Variants in IRF2 observed in about 807,000 individuals in gnomAD.
IRF2 encodes interferon regulatory factor 2.
IRF2 carries 15 observed loss-of-function variants against 40.6 expected under a neutral mutation model. That is an observed-to-expected ratio of 0.37 (90% CI 0.25 to 0.57). The LOEUF (loss-of-function observed/expected upper bound fraction) is 0.57. Ranked by LOEUF, IRF2 falls within the 20% of genes least tolerant of loss-of-function variation. IRF2 has a pLI of 0.77. For missense variants in IRF2, 317 were observed against 455.7 expected, an observed-to-expected ratio of 0.70 and a Z score of 2.77; for synonymous variants, 151 against 165.5, an observed-to-expected ratio of 0.91 and a Z score of 0.67.
chr4:184,409,840 T>C (rs1319283184), intron 5 of IRF2, among the ~76,000 whole-genome samples: 1 of 151,018 alleles, frequency 6.6e-6, no homozygotes, highest in Non-Finnish European at 1.5e-5. Flanking sequence ...AAGGATGCAA[T>C]GAGCTATGAT....
At chr4:184,449,169 C>G (rs567679930) in intron 1 of IRF2, 1 of 152,814 alleles carries the variant, frequency 6.5e-6, no homozygotes, top group Non-Finnish European at 1.5e-5. Context: ...CTCTGCCCTA[C>G]AGCCAGAACA....
chr4:184,419,571 G>GAAAAAAAAAAAAAAAAA lies in IRF2; in HGVS notation c.88-20_88-4dup. The GAAAAAAAAAAAAAAAAA allele has an allele frequency of 4.4e-6, 4 of 911,526 alleles. No homozygotes were observed. In the Admixed American group the frequency reaches 1.1e-4, roughly 25 times the overall value. The allele number at this position is 911,526 out of a possible 1,614,324, so 56.5% of individuals were successfully genotyped here. ...GGGATCTGAAAAATCTTCTTTTCCT[G>GAAAAAAAAAAAAAAAAA]AAAAAAAAAAAAAAAAAAAAGGTAA... On this transcript the variant is annotated splice_polypyrimidine_tract_variant and splice_region_variant and intron_variant, in intron 2 of 8. Transcript: ENST00000393593.
chr4:184,463,229 A>T (rs1452566851), intron 1 of IRF2, among the ~76,000 whole-genome samples: 1 of 152,246 alleles, frequency 6.6e-6, no homozygotes, highest in Non-Finnish European at 1.5e-5. Flanking sequence ...TCATACAGTT[A>T]TGACCAAAAT....
chr4:184,419,936 C>T (rs530828815), intron 2 of IRF2, among the ~76,000 whole-genome samples: 4 of 152,310 alleles, frequency 2.6e-5, no homozygotes, highest in East Asian at 1.9e-4. Flanking sequence ...GGCGCGATAT[C>T]GGCTCACTAC....
Position 184,408,298 on chromosome 4 carries a change from G to C in IRF2, c.412-23C>G, listed in dbSNP as rs544861533. On this transcript the variant is annotated intron_variant, in intron 5 of 8. Transcript: ENST00000393593. This position sits in a 1 kb window ranked among gnomAD's most constrained non-coding sequence, Gnocchi z 4.9. Reference sequence around the variant, plus strand: ...TTGCTAGGAAGAAGAAAAGAAAAAAGAATTGAGAACACTTCCTTTCCCCTC... The same window carrying C: ...TTGCTAGGAAGAAGAAAAGAAAAAACAATTGAGAACACTTCCTTTCCCCTC... 28 of 1,420,102 alleles carry C rather than the reference G, an allele frequency of 2.0e-5. No individual in the cohort carries two copies. The African/African-American group carries it at 3.8e-4, about 19-fold the overall frequency. 88.0% of individuals were successfully genotyped at this position (1,420,102 alleles called of 1,614,324 possible).
intron 1 of IRF2, among the ~76,000 whole-genome samples, chr4:184,434,688 G>C (rs1284999188): frequency 6.6e-6 from 1 of 152,178 alleles, no homozygotes; most frequent in Non-Finnish European, 1.5e-5. Flanking sequence ...CTGGTGCCAA[G>C]CCTGCTATAT....
chr4:184,391,924 G>A (rs1056859227), intron 7 of IRF2, among the ~76,000 whole-genome samples: 1 of 152,026 alleles, frequency 6.6e-6, no homozygotes, highest in Non-Finnish European at 1.5e-5. Context: ...TGAGTGAGAG[G>A]GTACATGGGA....
chr4:184,432,147 T>C (rs1737907440), intron 1 of IRF2: 1 of 152,210 alleles, frequency 6.6e-6, no homozygotes, highest in African/African-American at 2.4e-5. Context: ...ACACATTCGA[T>C]CCACACTGTT....
At chr4:184,472,123 C>T (rs968250897) in intron 1 of IRF2, 1 of 152,186 alleles carries the variant, frequency 6.6e-6, no homozygotes, top group African/African-American at 2.4e-5. Flanking sequence ...CCCTAGAGAT[C>T]CCAGTTCAAG....
chr4:184,390,747 T>C lies in IRF2; in HGVS notation c.697A>G (p.Ser233Gly), dbSNP rs1244187579. 1 of 1,614,220 alleles carries C rather than the reference T, an allele frequency of 6.2e-7. No homozygotes were observed. Among genetic ancestry groups the C allele is most frequent in the Admixed American group, 1.7e-5 (1 of 60,026 alleles). ...CTGGGCACACTATCAGTCGTTTCGCTTTCTGTTCACAGAGAGAAAAACACA... is the reference window on the plus strand; with the variant it reads ...CTGGGCACACTATCAGTCGTTTCGCCTTCTGTTCACAGAGAGAAAAACACA... ...QISPVSSYAESETTDSVPSDE... is the reference protein window; with the variant it reads ...QISPVSSYAEGETTDSVPSDE... Residue 233 changes from serine (S) to glycine (G), a missense_variant and splice_region_variant, in exon 8 of 9, where the codon AGC (serine) becomes GGC (glycine). Physicochemically the swap from Ser to Gly is moderately conservative, Grantham distance 56 (BLOSUM62 0). This residue lies in a region of IRF2 where 262 missense variants were observed against 334.0 expected (regional missense o/e 0.78). Coordinates refer to ENST00000393593, the MANE Select transcript of IRF2 (RefSeq NM_002199.4).
At chr4:184,389,782 C>T (rs1446950647) in intron 8 of IRF2, among the ~76,000 whole-genome samples, 1 of 152,176 alleles carries the variant, frequency 6.6e-6, no homozygotes, top group Non-Finnish European at 1.5e-5. Context: ...CTCGGTCCCT[C>T]AATGCTGGCC....
intron 1 of IRF2, among the ~76,000 whole-genome samples, chr4:184,441,453 AC>A (rs2149909193): frequency 6.6e-6 from 1 of 152,268 alleles, no homozygotes; most frequent in African/African-American, 2.4e-5. Context: ...TGCTCGTGAC[AC>A]CCCTGTAATG....
At chr4:184,439,040 G>A (rs1738194449) in intron 1 of IRF2, among the ~76,000 whole-genome samples, 1 of 152,134 alleles carries the variant, frequency 6.6e-6, no homozygotes, top group Non-Finnish European at 1.5e-5. Flanking sequence ...GCCTCTCAGT[G>A]TACATATTAT....
At chr4:184,470,320 T>C (rs1272535938) in intron 1 of IRF2, among the ~76,000 whole-genome samples, 1 of 152,236 alleles carries the variant, frequency 6.6e-6, no homozygotes, top group East Asian at 1.9e-4. Flanking sequence ...AATATTTACT[T>C]TCATGTATGT....
intron 5 of IRF2, among the ~76,000 whole-genome samples, chr4:184,417,492 G>C (rs1737323164): frequency 1.3e-5 from 2 of 152,164 alleles, no homozygotes; most frequent in African/African-American, 4.8e-5. Context: ...CAGTTTTGCA[G>C]GGCATATTCG....
At position 184,448,298 on chromosome 4, in the gene IRF2, G is replaced by A. The variant is rs3775572; in HGVS notation, c.-6-19228C>T. The stretch of plus-strand genomic sequence containing the variant: ...GCTGCTGGCGGTTTATTCGTCCTCC[G>A]TGCACCAGGATGGTATTAATAAGCA... On this transcript the variant is annotated intron_variant, in intron 1 of 8. Transcript: ENST00000393593. This position sits in a 1 kb window ranked among gnomAD's most constrained non-coding sequence, Gnocchi z 4.3. Among the ~76,000 whole-genome samples, 124,836 of 152,136 alleles carry A rather than the reference G, an allele frequency of 0.82. 54,839 individuals carry two copies. The highest frequency in any genetic ancestry group is 0.97 in the Non-Finnish European group (66,039 of 68,026).
intron 5 of IRF2, among the ~76,000 whole-genome samples, chr4:184,412,237 G>A (rs1490979200): frequency 1.3e-5 from 2 of 152,068 alleles, no homozygotes; most frequent in African/African-American, 4.8e-5. Context: ...AAAGCAAACT[G>A]GCACAAGAGA....
chr4:184,431,270 A>T (rs1261257349), intron 1 of IRF2, among the ~76,000 whole-genome samples: 1 of 152,194 alleles, frequency 6.6e-6, no homozygotes, highest in African/African-American at 2.4e-5. Context: ...TGTTCCATTC[A>T]TTCATTTGTT....
Position 184,415,999 on chromosome 4 carries a change from A to G in IRF2, c.411+2168T>C, listed in dbSNP as rs571838111. ...GAAAGCTGTGCTTTTCTGACTAAAT[A>G]ACATGAATCAAAACGTAGGCCTTAA... On this transcript the variant is annotated intron_variant, in intron 5 of 8. Coordinates refer to ENST00000393593, the MANE Select transcript of IRF2 (RefSeq NM_002199.4). Among the ~76,000 whole-genome samples, 5 of 152,352 alleles carry G rather than the reference A, an allele frequency of 3.3e-5. 2 individuals are homozygous for G. Among genetic ancestry groups the G allele is most frequent in the African/African-American group, 1.2e-4 (5 of 41,576 alleles).
Sources: gnomAD v4.1 joint callset for allele counts (sites outside exome capture counted in the v4.1 genomes callset) on GRCh38, gnomAD v4.1.1 for gene constraint, gnomAD v4.1.1 regional missense constraint, Gnocchi (gnomAD v3.1) non-coding constraint, MANE v1.5 for transcripts, NCBI Gene and HGNC (gene_info 2026-07-23, HGNC 2026-07-21) for gene names.